Variants in TMEM131L observed in about 807,000 individuals in gnomAD.
The protein encoded by TMEM131L is transmembrane protein 131-like.
TMEM131L carries 54 observed loss-of-function variants against 192.2 expected under a neutral mutation model. That is an observed-to-expected ratio of 0.28 (90% CI 0.23 to 0.35). The LOEUF is 0.35. Ranked by LOEUF, TMEM131L falls within the 10% of genes least tolerant of loss-of-function variation. TMEM131L has a pLI of 1.00. For missense variants in TMEM131L, 1,888 were observed against 1,972.9 expected (o/e 0.96, Z 0.82); for synonymous variants, 701 against 704.9 (o/e 0.99, Z 0.09).
At chr4:153,549,404 A>C (rs1249652475) in intron 3 of TMEM131L, among the ~76,000 whole-genome samples, 1 of 152,110 alleles carries the variant, frequency 6.6e-6, no homozygotes, top group African/African-American at 2.4e-5. Context: ...GGTTTTTCAT[A>C]CTCATATGTG....
At chr4:153,592,632 G>C (rs765528705) in intron 18 of TMEM131L, 48 bp downstream of exon 18, 6 of 1,234,628 alleles carry the variant, frequency 4.9e-6, no homozygotes, top group Non-Finnish European at 4.8e-6. Context: ...TACTTGGGAA[G>C]ACTTAGAATT....
At chr4:153,466,593 A>T in intron 1 of TMEM131L, 72 bp downstream of exon 1, 1 of 1,235,268 alleles carries the variant, frequency 8.1e-7, no homozygotes, top group Non-Finnish European at 1.0e-6. Context: ...GGAACTGCTG[A>T]AATCTATAAG....
chr4:153,538,759 G>C (rs532947150), intron 3 of TMEM131L, among the ~76,000 whole-genome samples: 1 of 152,326 alleles, frequency 6.6e-6, no homozygotes, highest in Admixed American at 6.5e-5. Flanking sequence ...TCTTAAGAGA[G>C]TGTTTTCTCT....
chr4:153,573,902 A>G lies in TMEM131L; in HGVS notation c.661-6924A>G, dbSNP rs193110429. On this transcript the variant is annotated intron_variant, in intron 7 of 34. Transcript: ENST00000409959. The stretch of plus-strand genomic sequence containing the variant: ...AAATTATTTGTTGTGGAATTTTATT[A>G]AATAAATGCATTAATTGTGAATGAG... Among the ~76,000 whole-genome samples the G allele has an allele frequency of 1.9e-3, 296 of 152,342 alleles. 4 individuals carry two copies. Among genetic ancestry groups the G allele is most frequent in the Non-Finnish European group, 4.1e-4 (28 of 68,030 alleles).
At chr4:153,635,071 G>T (rs1432044855) in intron 33 of TMEM131L, among the ~76,000 whole-genome samples, 1 of 152,208 alleles carries the variant, frequency 6.6e-6, no homozygotes, top group African/African-American at 2.4e-5. Context: ...GGTCGCTGAG[G>T]TTGGCATGAC....
intron 3 of TMEM131L, among the ~76,000 whole-genome samples, chr4:153,481,713 T>A (rs1366013957): frequency 6.6e-6 from 1 of 152,196 alleles, no homozygotes; most frequent in East Asian, 1.9e-4. Context: ...TTTTTGTATT[T>A]TTTTTGTAGA....
At chr4:153,498,703 C>T (rs968841640) in intron 3 of TMEM131L, among the ~76,000 whole-genome samples, 3 of 152,130 alleles carry the variant, frequency 2.0e-5, no homozygotes, top group East Asian at 1.9e-4. Flanking sequence ...TCTTCTCATT[C>T]GGCCCTACTG....
chr4:153,600,579 CT>C (rs1731769497), intron 21 of TMEM131L, among the ~76,000 whole-genome samples: 1 of 152,176 alleles, frequency 6.6e-6, no homozygotes, highest in South Asian at 2.1e-4. Flanking sequence ...GTTTCAGCAA[CT>C]TCCTCAGGAA....
intron 7 of TMEM131L, among the ~76,000 whole-genome samples, chr4:153,569,852 C>G (rs76414113): frequency 6.6e-6 from 1 of 152,126 alleles, no homozygotes; most frequent in African/African-American, 2.4e-5. Context: ...AATATAAACC[C>G]TCTTCTATTA....
chr4:153,554,045 C>G (rs138928614), intron 4 of TMEM131L: 1 of 152,152 alleles, frequency 6.6e-6, no homozygotes, highest in African/African-American at 2.4e-5. Flanking sequence ...ATGTATTTCT[C>G]TGATAGACAT....
intron 3 of TMEM131L, among the ~76,000 whole-genome samples, chr4:153,546,318 T>A (rs983002334): frequency 1.3e-5 from 2 of 152,070 alleles, no homozygotes; most frequent in Non-Finnish European, 2.9e-5. Flanking sequence ...ATGTAATTAT[T>A]TGATGCCAGG....
intron 32 of TMEM131L, 89 bp from the exon 33 acceptor site, chr4:153,634,103 G>T: frequency 9.2e-7 from 1 of 1,082,768 alleles, no homozygotes; most frequent in East Asian, 2.4e-5. Context: ...ACAGTGATTA[G>T]GATGCTAGGC....
intron 2 of TMEM131L, among the ~76,000 whole-genome samples, chr4:153,469,164 A>C (rs1286187446): frequency 1.3e-5 from 2 of 152,244 alleles, no homozygotes; most frequent in Admixed American, 6.5e-5. Flanking sequence ...TTCAGTATAG[A>C]GGGATTTATA....
At chr4:153,480,619 C>A (rs1731874536) in intron 3 of TMEM131L, among the ~76,000 whole-genome samples, 1 of 152,018 alleles carries the variant, frequency 6.6e-6, no homozygotes, top group African/African-American at 2.4e-5. Context: ...CACTGGGGAC[C>A]TTCCTATCTT....
intron 30 of TMEM131L, among the ~76,000 whole-genome samples, chr4:153,626,729 C>T (rs1156486205): frequency 6.6e-6 from 1 of 152,248 alleles, no homozygotes; most frequent in Non-Finnish European, 1.5e-5. Context: ...CACACCACTA[C>T]ACTCTAGCCT....
chr4:153,532,036 T>A (rs1190925031), intron 3 of TMEM131L, among the ~76,000 whole-genome samples: 1 of 152,210 alleles, frequency 6.6e-6, no homozygotes, highest in African/African-American at 2.4e-5. Context: ...TTGAAATTGA[T>A]TAGCTCTAGA....
chr4:153,506,779 G>T (rs1433860245), intron 3 of TMEM131L, among the ~76,000 whole-genome samples: 1 of 149,570 alleles, frequency 6.7e-6, no homozygotes, highest in Non-Finnish European at 1.5e-5. Flanking sequence ...GGAGGCAGAG[G>T]TTGCAGTGAG....
intron 3 of TMEM131L, among the ~76,000 whole-genome samples, chr4:153,481,823 C>G (rs1210672626): frequency 1.3e-5 from 2 of 152,152 alleles, no homozygotes. Flanking sequence ...CAGGCGTGAG[C>G]CACTGCGCCT....
At chr4:153,603,656 C>A in intron 24 of TMEM131L, 146 bp from the exon 25 acceptor site, 3 of 1,040,226 alleles carry the variant, frequency 2.9e-6, no homozygotes, top group Non-Finnish European at 4.1e-6. Flanking sequence ...TTCTCATTGG[C>A]AGAAAACTCT....
Sources: allele counts gnomAD v4.1 joint callset (sites outside exome capture counted in the v4.1 genomes callset), GRCh38; gene constraint gnomAD v4.1.1; transcripts MANE v1.5; gene names NCBI Gene and HGNC (gene_info 2026-07-23, HGNC 2026-07-21).